RALA: variants seen among roughly 807,000 people sequenced by gnomAD.
RALA encodes the protein RAS like proto-oncogene A.
Under a neutral mutation model 24.0 loss-of-function variants are expected in RALA, and 5 were observed. That is an observed-to-expected ratio of 0.21 (90% CI 0.11 to 0.44). The LOEUF is 0.44. Ranked by LOEUF, RALA falls within the 20% of genes least tolerant of loss-of-function variation. The pLI is 0.99. For synonymous variants in RALA, 77 were observed against 83.8 expected (o/e 0.92, Z 0.44); for missense variants, 95 against 241.2 (o/e 0.39, Z 4.01).
At chr7:39,690,208 A>T (rs183986493) in intron 2 of RALA, among the ~76,000 whole-genome samples, 174 bp from the exon 3 acceptor site, 1 of 152,250 alleles carries the variant, frequency 6.6e-6, no homozygotes, top group Admixed American at 6.5e-5. Context: ...GAGGAAACCA[A>T]GAAATTGTCT....
chr7:39,675,172 C>T (rs1377285407), intron 1 of RALA, among the ~76,000 whole-genome samples: 3 of 152,122 alleles, frequency 2.0e-5, no homozygotes, highest in Non-Finnish European at 4.4e-5. Flanking sequence ...TTTTGCTGCT[C>T]TGTGGGAATG....
chr7:39,649,758 G>C (rs1235902178), intron 1 of RALA, among the ~76,000 whole-genome samples: 1 of 152,092 alleles, frequency 6.6e-6, no homozygotes, highest in Non-Finnish European at 1.5e-5. Context: ...AATGAATGTA[G>C]ATAGAAAAAA....
At chr7:39,626,982 G>A (rs1440882967) in intron 1 of RALA, among the ~76,000 whole-genome samples, 1 of 97,180 alleles carries the variant, frequency 1.0e-5, no homozygotes, top group Non-Finnish European at 2.1e-5. Flanking sequence ...ATTCAGTGCT[G>A]GTAGAATTCT....
intron 1 of RALA, among the ~76,000 whole-genome samples, chr7:39,640,272 A>G (rs922876203): frequency 6.6e-6 from 1 of 152,114 alleles, no homozygotes; most frequent in Non-Finnish European, 1.5e-5. Context: ...CCTGAGCTCA[A>G]GGGATCCACC....
chr7:39,693,939 C>T (rs1013397307), intron 3 of RALA, among the ~76,000 whole-genome samples: 2 of 152,128 alleles, frequency 1.3e-5, no homozygotes, highest in Non-Finnish European at 2.9e-5. Flanking sequence ...GAGTTCAGGT[C>T]CAAAGAACTT....
chr7:39,666,691 T>G (rs1308831495), intron 1 of RALA, among the ~76,000 whole-genome samples: 1 of 152,216 alleles, frequency 6.6e-6, no homozygotes, highest in East Asian at 1.9e-4. Context: ...TTCTTTCTTC[T>G]TAGCTGCTCG....
chr7:39,684,761 G>C (rs1276101312), intron 1 of RALA, among the ~76,000 whole-genome samples: 1 of 149,024 alleles, frequency 6.7e-6, no homozygotes, highest in Non-Finnish European at 1.5e-5. Flanking sequence ...TTTTAAGAAA[G>C]TTTACAAATT....
intron 4 of RALA, among the ~76,000 whole-genome samples, chr7:39,699,164 C>T (rs1324014077): frequency 9.3e-6 from 1 of 107,122 alleles, no homozygotes; most frequent in Non-Finnish European, 1.7e-5. Context: ...GACGGAGTCT[C>T]GCTCTGTCGC....
At chr7:39,706,032 C>A (rs1793115884) in intron 4 of RALA, 91 bp from the exon 5 acceptor site, 3 of 1,161,032 alleles carry the variant, frequency 2.6e-6, no homozygotes, top group Non-Finnish European at 3.6e-6. Context: ...ATTTATACTT[C>A]TGTTACCCCC....
In RALA at chr7:39,653,289, A is replaced by G. The variant is rs143241171; in HGVS notation, c.-38+29464A>G. Among the ~76,000 whole-genome samples the G allele has an allele frequency of 2.1e-3, 317 of 151,146 alleles. 1 individual carries two copies. The highest frequency in any genetic ancestry group is 7.1e-3 in the African/African-American group (290 of 41,122). On this transcript the variant is annotated intron_variant, in intron 1 of 4. Transcript: ENST00000005257. ...ATCATCCGCCTGCATCAGCCTCCCA[A>G]AGTGCTGAGATTACAGGCATGAGCC...
intron 1 of RALA, among the ~76,000 whole-genome samples, chr7:39,661,624 G>A (rs900493520): frequency 6.6e-6 from 1 of 152,232 alleles, no homozygotes; most frequent in Non-Finnish European, 1.5e-5. Flanking sequence ...TGCAAAAGGT[G>A]GGTTCCCATG....
At chr7:39,681,163 A>G (rs948893757) in intron 1 of RALA, among the ~76,000 whole-genome samples, 2 of 152,086 alleles carry the variant, frequency 1.3e-5, no homozygotes, top group Non-Finnish European at 2.9e-5. Context: ...ATCCCCTAAT[A>G]ACATTTAAAA....
chr7:39,650,976 T>C (rs539871970), intron 1 of RALA, among the ~76,000 whole-genome samples: 3 of 152,274 alleles, frequency 2.0e-5, no homozygotes, highest in African/African-American at 7.2e-5. Context: ...TGAGACAGAG[T>C]GCCCAGGACA....
intron 1 of RALA, among the ~76,000 whole-genome samples, chr7:39,632,672 G>A (rs1374687414): frequency 6.6e-6 from 1 of 152,090 alleles, no homozygotes; most frequent in Non-Finnish European, 1.5e-5. Context: ...ACAAAAATTA[G>A]CTAAGTATGG....
At chr7:39,705,065 G>A (rs1020693844) in intron 4 of RALA, among the ~76,000 whole-genome samples, 1 of 152,236 alleles carries the variant, frequency 6.6e-6, no homozygotes, top group South Asian at 2.1e-4. Flanking sequence ...ACTCTTCCTT[G>A]TACCCTCCTC....
intron 1 of RALA, among the ~76,000 whole-genome samples, chr7:39,669,485 C>T (rs1445048607): frequency 5.9e-5 from 9 of 152,128 alleles, no homozygotes; most frequent in Admixed American, 5.9e-4. Context: ...TTCATGTAAA[C>T]CAGAGGCTAT....
intron 1 of RALA, among the ~76,000 whole-genome samples, chr7:39,665,108 C>A (rs778792668): frequency 6.6e-6 from 1 of 152,094 alleles, no homozygotes; most frequent in Non-Finnish European, 1.5e-5. Flanking sequence ...CAATGCATTT[C>A]TTTAGCTACA....
intron 1 of RALA, among the ~76,000 whole-genome samples, chr7:39,647,327 G>C (rs1413450180): frequency 3.3e-5 from 5 of 152,200 alleles, no homozygotes; most frequent in Non-Finnish European, 7.4e-5. Flanking sequence ...ACAGGCGTGA[G>C]CCACCACGCC....
intron 1 of RALA, among the ~76,000 whole-genome samples, chr7:39,640,251 T>C (rs145679115): frequency 1.3e-3 from 202 of 152,250 alleles, no homozygotes; most frequent in Middle Eastern, 6.8e-3. Flanking sequence ...TGCCCAGGCT[T>C]GTCTCAAACT....
Sources: gnomAD v4.1 joint callset for allele counts (sites outside exome capture counted in the v4.1 genomes callset) on GRCh38, gnomAD v4.1.1 for gene constraint, MANE v1.5 for transcripts, NCBI Gene and HGNC (gene_info 2026-07-23, HGNC 2026-07-21) for gene names.